Variants in WDFY3 observed in about 807,000 individuals in gnomAD.
WDFY3 encodes the protein WD repeat and FYVE domain containing 3, also known as WD repeat and FYVE domain-containing protein 3.
WDFY3 carries 66 observed loss-of-function variants against 409.6 expected under a neutral mutation model. That is an observed-to-expected ratio of 0.16 (90% CI 0.13 to 0.20). WDFY3 has a LOEUF of 0.20. Among genes scored for constraint, WDFY3 ranks in the 10% least tolerant of loss-of-function variants. WDFY3 has a pLI of 1.00. For missense variants in WDFY3, 3,031 were observed against 4,298.1 expected, an observed-to-expected ratio of 0.71 and a Z score of 8.24; for synonymous variants, 1,521 against 1,537.1, an observed-to-expected ratio of 0.99 and a Z score of 0.25.
chr4:84,844,831 T>C (rs1043783488), intron 5 of WDFY3, among the ~76,000 whole-genome samples: 6 of 152,214 alleles, frequency 3.9e-5, no homozygotes, highest in Admixed American at 3.3e-4. Context: ...ACACCCTCTA[T>C]ACAATCTGGC....
Position 84,682,443 on chromosome 4 carries a change from G to A in WDFY3, c.9754C>T (p.Pro3252Ser), listed in dbSNP as rs912833658. The change falls in exon 64 of 68, where the codon CCT becomes TCT. Residue 3252 changes from proline to serine, a missense_variant. By Grantham distance (74) the Pro-to-Ser change is moderately conservative. Transcript: ENST00000295888. ...GCAGGCTCAGGAGCTGGTGTTTCAG[G>A]AACTTGCAAAAATTCCATTCTCCAA... ...RFWRMEFLQV[P>S]ETPAPEPAEV... The A allele has an allele frequency of 1.2e-6, 2 of 1,613,552 alleles. No homozygotes were observed. The highest frequency in any genetic ancestry group is 1.3e-5 in the African/African-American group (1 of 74,860).
chr4:84,783,155 A>T, intron 24 of WDFY3, 81 bp from the exon 25 acceptor site: 2 of 1,243,082 alleles, frequency 1.6e-6, no homozygotes, highest in Non-Finnish European at 2.3e-6. Flanking sequence ...CAAACACATG[A>T]ATGGTAACAT....
chr4:84,914,256 C>T (rs1393389787), intron 2 of WDFY3, among the ~76,000 whole-genome samples: 1 of 151,938 alleles, frequency 6.6e-6, no homozygotes, highest in Non-Finnish European at 1.5e-5. Flanking sequence ...CCCGTCTCTA[C>T]TAAAAATACA....
Position 84,787,532 on chromosome 4 carries a change from T to C in WDFY3, c.3851A>G (p.Tyr1284Cys). The change falls in exon 23 of 68, where the codon TAT becomes TGT. Residue 1284 changes from tyrosine to cysteine, a missense_variant. This residue lies in a region of WDFY3 where 1,322 missense variants were observed against 1,697.9 expected (regional missense o/e 0.78). Transcript: ENST00000295888. ...VLPSSNVTTI[Y>C]ELGPNYVGSF... ...TCCAACATAATTTGGTCCAAGTTCATAAATGGTAGTAACATTTGAAGAAGG... is the reference window on the plus strand; with the variant it reads ...TCCAACATAATTTGGTCCAAGTTCACAAATGGTAGTAACATTTGAAGAAGG... 2 of 1,614,220 alleles carry C rather than the reference T, an allele frequency of 1.2e-6. No individual in the cohort carries two copies. Among genetic ancestry groups the C allele is most frequent in the Non-Finnish European group, 1.7e-6 (2 of 1,180,038 alleles).
chr4:84,797,260 C>T (rs369252104), intron 18 of WDFY3, among the ~76,000 whole-genome samples: 1 of 151,968 alleles, frequency 6.6e-6, no homozygotes, highest in Non-Finnish European at 1.5e-5. Flanking sequence ...ATTATTAGAA[C>T]TAAATGCATG....
intron 60 of WDFY3, among the ~76,000 whole-genome samples, chr4:84,690,897 A>G (rs946025506): frequency 1.3e-5 from 2 of 152,194 alleles, no homozygotes; most frequent in Admixed American, 1.3e-4. Flanking sequence ...GACTTTGCTC[A>G]TAATGGGGGT....
chr4:84,912,274 C>T (rs1039658982), intron 2 of WDFY3, among the ~76,000 whole-genome samples: 1 of 152,160 alleles, frequency 6.6e-6, no homozygotes, highest in African/African-American at 2.4e-5. Flanking sequence ...TCTGCAGGTA[C>T]AGCTGCCGAC....
At position 84,745,013 on chromosome 4, in the gene WDFY3, T is replaced by C. The variant is rs549912559; in HGVS notation, c.5974-1214A>G. On this transcript the variant is annotated intron_variant, in intron 36 of 67. Transcript: ENST00000295888. ...CAACCCTATATAGGTGGTATCTTTG[T>C]TAAGTTTTACAATGTACAAAGATGA... is the stretch of plus-strand genomic sequence containing the variant. Among the ~76,000 whole-genome samples, 20 of 152,288 alleles carry C rather than the reference T, an allele frequency of 1.3e-4. No homozygotes were observed. The South Asian group carries it at 3.9e-3, about 30-fold the overall frequency.
chr4:84,751,565 T>C lies in WDFY3; in HGVS notation c.5891A>G (p.Asp1964Gly). The change falls in exon 36 of 68, where the codon GAC becomes GGC. Residue 1964 changes from aspartate to glycine, a missense_variant. Asp to Gly is a moderately conservative substitution (Grantham distance 94). This residue lies in a region of WDFY3 where 314 missense variants were observed against 397.4 expected (regional missense o/e 0.79). Coordinates refer to ENST00000295888, the MANE Select transcript of WDFY3 (RefSeq NM_014991.6). ...GTCTATGATTAAGACCCGCATGAAGTCAAAAACGAACTTTTTAGCCGGGTG... is the reference window on the plus strand; with the variant it reads ...GTCTATGATTAAGACCCGCATGAAGCCAAAAACGAACTTTTTAGCCGGGTG... ...TNHPAKKFVF[D>G]FMRVLIIDNL... 1 of 1,614,196 alleles carries C rather than the reference T, an allele frequency of 6.2e-7. No homozygotes were observed. The highest frequency in any genetic ancestry group is 8.5e-7 in the Non-Finnish European group (1 of 1,180,034).
intron 1 of WDFY3, among the ~76,000 whole-genome samples, chr4:84,963,739 T>C (rs983092224): frequency 2.6e-5 from 4 of 152,232 alleles, no homozygotes; most frequent in African/African-American, 9.6e-5. Flanking sequence ...AAGTCTAGTA[T>C]ACCCTGTTTA....
chr4:84,822,877 C>T (rs913775842), intron 10 of WDFY3, among the ~76,000 whole-genome samples: 1 of 152,022 alleles, frequency 6.6e-6, no homozygotes, highest in Non-Finnish European at 1.5e-5. Flanking sequence ...ATCTTTGTTT[C>T]CTGTGTCTAT....
At chr4:84,807,219 A>G (rs1457672136) in intron 15 of WDFY3, among the ~76,000 whole-genome samples, 1 of 152,184 alleles carries the variant, frequency 6.6e-6, no homozygotes, top group Non-Finnish European at 1.5e-5. Flanking sequence ...CTAGTTTATC[A>G]TTCCTTGAAT....
rs533372715 is a variant in WDFY3, at chr4:84,843,711, G to A, written c.305-2448C>T. 1.1e-4 allele frequency among the ~76,000 whole-genome samples: 16 copies of A among 152,184 alleles called. No homozygotes were observed. In the South Asian group the frequency reaches 2.1e-3, roughly 20 times the overall value. The stretch of plus-strand genomic sequence containing the variant: ...TGTGAGCTACTGTGCCCAGCCTCAC[G>A]TTTTATTTTAAATGAGGTAAGCAGC... On this transcript the variant is annotated intron_variant, in intron 5 of 67. Coordinates refer to ENST00000295888, the MANE Select transcript of WDFY3 (RefSeq NM_014991.6).
intron 33 of WDFY3, among the ~76,000 whole-genome samples, chr4:84,756,620 T>A (rs949849199): frequency 2.0e-5 from 3 of 149,158 alleles, no homozygotes; most frequent in Non-Finnish European, 4.4e-5. Context: ...TAAAATAAAA[T>A]AAAATAAAAT....
chr4:84,749,202 T>TG (rs1740049559), intron 36 of WDFY3, among the ~76,000 whole-genome samples: 1 of 152,154 alleles, frequency 6.6e-6, no homozygotes, highest in Non-Finnish European at 1.5e-5. Flanking sequence ...ATTTTCTTCT[T>TG]GAATCTCTTC....
chr4:84,809,752 G>A, intron 14 of WDFY3, 135 bp downstream of exon 14: 2 of 752,172 alleles, frequency 2.7e-6, no homozygotes, highest in South Asian at 4.5e-5. Flanking sequence ...CAAAAATAAA[G>A]TGATACACTT....
At chr4:84,864,890 CT>C (rs35738821) in intron 3 of WDFY3, among the ~76,000 whole-genome samples, 53 of 149,966 alleles carry the variant, frequency 3.5e-4, no homozygotes, top group Middle Eastern at 6.9e-3. Context: ...ATACATAAAT[CT>C]TTTTTTTTTC....
chr4:84,949,784 T>C (rs1773363362), intron 1 of WDFY3, among the ~76,000 whole-genome samples: 1 of 152,220 alleles, frequency 6.6e-6, no homozygotes, highest in East Asian at 1.9e-4. Flanking sequence ...CCAAAAAAAC[T>C]ACCAAGTAGT....
chr4:84,671,119 C>T lies in WDFY3; in HGVS notation c.*1749G>A, dbSNP rs1222804299. The stretch of plus-strand genomic sequence containing the variant: ...AGCCTTTCTATTTTCTCTTGGAGAC[C>T]TAGTTATCATATCAGGAAGAACAAA... On this transcript the variant is annotated 3_prime_UTR_variant, in exon 68 of 68. Coordinates refer to ENST00000295888, the MANE Select transcript of WDFY3 (RefSeq NM_014991.6). The T allele has an allele frequency of 6.6e-6, 1 of 152,524 alleles. No individual in the cohort carries two copies. The highest frequency in any genetic ancestry group is 6.6e-5 in the Admixed American group (1 of 15,266). The allele number at this position is 152,524 out of a possible 1,614,324, so 9.4% of individuals were successfully genotyped here.
Sources: gnomAD v4.1 joint callset for allele counts (sites outside exome capture counted in the v4.1 genomes callset) on GRCh38, gnomAD v4.1.1 for gene constraint, gnomAD v4.1.1 regional missense constraint, MANE v1.5 for transcripts, NCBI Gene and HGNC (gene_info 2026-07-23, HGNC 2026-07-21) for gene names.